Variants in MAD1L1 observed in about 807,000 individuals in gnomAD.
MAD1L1 encodes the protein mitotic spindle assembly checkpoint protein MAD1.
Under a neutral mutation model 96.9 loss-of-function variants are expected in MAD1L1, and 95 were observed. The observed-to-expected ratio is 0.98, with a 90% CI of 0.83 to 1.16. The LOEUF is 1.16. Among genes scored for constraint, MAD1L1 ranks in the 50% most tolerant of loss-of-function variants. MAD1L1 has a pLI of 0.00. For missense variants in MAD1L1, 1,007 were observed against 954.4 expected, an observed-to-expected ratio of 1.06 and a Z score of -0.73; for synonymous variants, 473 against 396.6, an observed-to-expected ratio of 1.19 and a Z score of -2.29.
chr7:2,002,152 C>G, intron 13 of MAD1L1, 31 bp from the exon 14 acceptor site: 1 of 1,608,350 alleles, frequency 6.2e-7, no homozygotes, highest in Non-Finnish European at 8.5e-7. Flanking sequence ...CGGCCTGAGA[C>G]TGTGGTGGGC....
intron 17 of MAD1L1, among the ~76,000 whole-genome samples, chr7:1,918,882 CT>C (rs1788591915): frequency 6.6e-6 from 1 of 152,162 alleles, no homozygotes; most frequent in Non-Finnish European, 1.5e-5. Context: ...CTCCCCTCCC[CT>C]CCCCTCTCTA....
chr7:2,109,475 T>C (rs1374936942), intron 11 of MAD1L1: 1 of 152,158 alleles, frequency 6.6e-6, no homozygotes, highest in African/African-American at 2.4e-5. Context: ...CTTCCTATGT[T>C]TGTAAACGTC....
At chr7:2,158,558 T>C (rs1047598788) in intron 10 of MAD1L1, among the ~76,000 whole-genome samples, 4 of 152,214 alleles carry the variant, frequency 2.6e-5, no homozygotes, top group African/African-American at 9.7e-5. Flanking sequence ...GGGCTTGTTT[T>C]GCGAAAAGTA....
chr7:1,907,545 G>T (rs1309570708), intron 17 of MAD1L1, among the ~76,000 whole-genome samples: 1 of 152,266 alleles, frequency 6.6e-6, no homozygotes, highest in Non-Finnish European at 1.5e-5. Context: ...CGTAGGCCCG[G>T]CCCCACTGAT....
Position 2,219,380 on chromosome 7 carries a change from A to T in MAD1L1, c.548T>A (p.Leu183Gln). The change falls in exon 6 of 19, where the codon CTG (leucine) becomes CAG (glutamine). Residue 183 changes from leucine to glutamine, a missense_variant. By Grantham distance (113) the Leu-to-Gln change is moderately radical. Coordinates refer to ENST00000265854, the MANE Select transcript of MAD1L1 (RefSeq NM_001013836.2). ...VMDQEMRVKR[L>Q]ESEKQELQEQ... ...CTGCAGCTCCTGCTTCTCCGACTCC[A>T]GGCGCTTCACCCGCATCTCCTGGTC... The T allele has an allele frequency of 6.2e-7, 1 of 1,607,656 alleles. No individual in the cohort carries two copies. The highest frequency in any genetic ancestry group is 8.5e-7 in the Non-Finnish European group (1 of 1,177,000).
At chr7:1,911,121 G>A (rs964757725) in intron 17 of MAD1L1, among the ~76,000 whole-genome samples, 1 of 152,094 alleles carries the variant, frequency 6.6e-6, no homozygotes, top group Non-Finnish European at 1.5e-5. Context: ...CTGGGCGGCC[G>A]CCTCTCCCTC....
intron 18 of MAD1L1, among the ~76,000 whole-genome samples, chr7:1,816,645 C>T (rs1318489966): frequency 6.6e-6 from 1 of 152,120 alleles, no homozygotes; most frequent in Non-Finnish European, 1.5e-5. Context: ...GACCTAGTTT[C>T]CCCACTTGTG....
chr7:1,957,029 C>A (rs535670017), intron 16 of MAD1L1, among the ~76,000 whole-genome samples: 3 of 152,218 alleles, frequency 2.0e-5, no homozygotes, highest in African/African-American at 7.2e-5. Flanking sequence ...CTCTGGTGGG[C>A]GGGCAGCAGC....
At chr7:2,210,200 G>A (rs1321712534) in intron 10 of MAD1L1, among the ~76,000 whole-genome samples, 1 of 152,160 alleles carries the variant, frequency 6.6e-6, no homozygotes, top group Non-Finnish European at 1.5e-5. Flanking sequence ...AGCCTCCTGA[G>A]TAGCTGGGAC....
At position 2,133,079 on chromosome 7, in the gene MAD1L1, CCGT is replaced by C. The variant is rs1474823393; in HGVS notation, c.1073+16070_1073+16072del. On this transcript the variant is annotated intron_variant, in intron 11 of 18. Transcript: ENST00000265854. ...GCTGAGCATCTCCTCACGTGCTTCTCCGTCACCCACGTGTCTGCTTTGGTGAGG... is the reference window on the plus strand; with the variant it reads ...GCTGAGCATCTCCTCACGTGCTTCTCCACCCACGTGTCTGCTTTGGTGAGG... Among the ~76,000 whole-genome samples, 162 of 150,656 alleles carry C rather than the reference CCGT, an allele frequency of 1.1e-3. 1 individual carries two copies. The highest frequency in any genetic ancestry group is 2.1e-3 in the African/African-American group (85 of 41,050).
intron 12 of MAD1L1, among the ~76,000 whole-genome samples, chr7:2,019,786 G>A (rs1318514405): frequency 6.6e-6 from 1 of 152,202 alleles, no homozygotes; most frequent in Non-Finnish European, 1.5e-5. Context: ...GCGTCCCTGT[G>A]CTCGGCCCAC....
intron 12 of MAD1L1, among the ~76,000 whole-genome samples, chr7:2,054,815 G>A (rs1562643078): frequency 6.6e-6 from 1 of 152,220 alleles, no homozygotes; most frequent in Non-Finnish European, 1.5e-5. Context: ...TATGAACAAA[G>A]CAAGGTCTGA....
intron 18 of MAD1L1, among the ~76,000 whole-genome samples, chr7:1,888,572 AC>A (rs1786326142): frequency 6.8e-6 from 1 of 146,224 alleles, no homozygotes; most frequent in Non-Finnish European, 1.5e-5. Flanking sequence ...ATGTGGCTGT[AC>A]ATGTGAGCAT....
chr7:1,917,493 C>A (rs1387696495), intron 17 of MAD1L1, among the ~76,000 whole-genome samples: 1 of 152,256 alleles, frequency 6.6e-6, no homozygotes, highest in South Asian at 2.1e-4. Context: ...CACCGCCTGG[C>A]CGGGGCTCAG....
At chr7:1,940,931 T>TCCCCCAGGCCTCACCCTCCTCTTCCTCC (rs1778927962) in intron 16 of MAD1L1, among the ~76,000 whole-genome samples, 1 of 84,304 alleles carries the variant, frequency 1.2e-5, no homozygotes, top group Admixed American at 1.1e-4. Flanking sequence ...GAGACCCTCC[T>TCCCCCAGGCCTCACCCTCCTCTTCCTCC]CCCCCAGGCC....
At chr7:1,992,184 G>T in intron 14 of MAD1L1, among the ~76,000 whole-genome samples, 1 of 152,002 alleles carries the variant, frequency 6.6e-6, no homozygotes, top group African/African-American at 2.4e-5. Context: ...CATGAGCACC[G>T]CTGGGTGCCT....
rs1338895345 is a variant in MAD1L1, at chr7:1,957,502, G to C, written c.1596+127C>G. 7.7e-6 allele frequency: 7 copies of C among 913,648 alleles called. No individual in the cohort carries two copies. In the Admixed American group the frequency reaches 1.5e-4, roughly 20 times the overall value. 56.6% of individuals were successfully genotyped at this position (913,648 alleles called of 1,614,324 possible). ...CAGGCAAGGGGGTGCACATGGGAGG[G>C]AGGAGAGTTCAGACAGACGAGCCAG... On this transcript the variant is annotated intron_variant, in intron 16 of 18. Transcript: ENST00000265854.
At chr7:1,827,951 G>C (rs1400696887) in intron 18 of MAD1L1, among the ~76,000 whole-genome samples, 1 of 152,188 alleles carries the variant, frequency 6.6e-6, no homozygotes, top group Non-Finnish European at 1.5e-5. Flanking sequence ...ACGTTTCGTG[G>C]AGCGCCACGC....
intron 11 of MAD1L1, among the ~76,000 whole-genome samples, chr7:2,138,237 G>A (rs1562721542): frequency 1.3e-5 from 2 of 152,192 alleles, no homozygotes; most frequent in Non-Finnish European, 2.9e-5. Flanking sequence ...GGTGCATACA[G>A]GGTCCAAAGG....
Sources: allele counts gnomAD v4.1 joint callset (sites outside exome capture counted in the v4.1 genomes callset), GRCh38; gene constraint gnomAD v4.1.1; transcripts MANE v1.5; gene names NCBI Gene and HGNC (gene_info 2026-07-23, HGNC 2026-07-21).